SBNO2: variants seen among roughly 807,000 people sequenced by gnomAD.
SBNO2 encodes protein strawberry notch homolog 2.
In SBNO2, 89 loss-of-function variants were observed where a neutral mutation model predicts 146.3. The ratio of observed to expected loss-of-function variants is 0.61; its 90% CI spans 0.51 to 0.73. The LOEUF is 0.73. Among genes scored for constraint, SBNO2 ranks in the 30% least tolerant of loss-of-function variants. The probability of loss-of-function intolerance (pLI) is 0.00; values close to 1 mark genes in which losing one functional copy is unlikely to be tolerated. For synonymous variants in SBNO2, 1,147 were observed against 892.6 expected (o/e 1.29, Z -5.08); for missense variants, 2,092 against 2,003.7 (o/e 1.04, Z -0.84).
chr19:1,154,367 G>T lies in SBNO2; in HGVS notation c.-91C>A. On this transcript the variant is annotated 5_prime_UTR_variant, in exon 2 of 32. Transcript: ENST00000361757. ...GCCGGGGCGTCTATCTGGGCTTCTC[G>T]CTCCGTGGTGGCGGCGGTGGCGGCA... The T allele has an allele frequency of 3.2e-6, 2 of 621,442 alleles. No homozygotes were observed. The highest frequency in any genetic ancestry group is 4.6e-6 in the Non-Finnish European group (2 of 430,496). The allele number at this position is 621,442 out of a possible 1,614,324, so 38.5% of individuals were successfully genotyped here.
chr19:1,154,152 T>C, intron 2 of SBNO2, 32 bp downstream of exon 2: 1 of 1,057,680 alleles, frequency 9.5e-7, no homozygotes. Flanking sequence ...GTGGACCCCG[T>C]CGGGTGGGCC....
At chr19:1,127,430 G>C in intron 5 of SBNO2, 174 bp downstream of exon 5, 1 of 647,420 alleles carries the variant, frequency 1.5e-6, no homozygotes, top group South Asian at 1.8e-5. Context: ...CAGGACACAA[G>C]AGGACCCTCA....
At chr19:1,134,833 G>A (rs531208101) in intron 4 of SBNO2, among the ~76,000 whole-genome samples, 12 of 152,126 alleles carry the variant, frequency 7.9e-5, no homozygotes, top group East Asian at 5.8e-4. Context: ...GGATCACGAG[G>A]TCAGGAGTTC....
chr19:1,157,372 C>G lies in SBNO2; in HGVS notation c.-126-2970G>C, dbSNP rs1225325124. The stretch of plus-strand genomic sequence containing the variant: ...CTCTCCCCACGCGGCCCCGGAGACC[C>G]TCTGCCACGCAGCCCCGGAGACGCT... On this transcript the variant is annotated intron_variant, in intron 1 of 31. Transcript: ENST00000361757. This position sits in a 1 kb window ranked among gnomAD's most constrained non-coding sequence, Gnocchi z 6.8. Among the ~76,000 whole-genome samples the G allele has an allele frequency of 2.1e-5, 3 of 142,884 alleles. No individual in the cohort carries two copies. Among genetic ancestry groups the G allele is most frequent in the African/African-American group, 7.5e-5 (3 of 39,782 alleles). The allele number at this position is 142,884 out of a possible 152,430, so 93.7% of individuals were successfully genotyped here.
chr19:1,118,883 A>ATC, intron 14 of SBNO2, 128 bp downstream of exon 14: 1 of 963,690 alleles, frequency 1.0e-6, no homozygotes, highest in Non-Finnish European at 1.5e-6. Flanking sequence ...AAAACAACAA[A>ATC]AAAAAAACCC....
At chr19:1,164,574 GGT>G (rs1491420112) in intron 1 of SBNO2, among the ~76,000 whole-genome samples, 7 of 133,506 alleles carry the variant, frequency 5.2e-5, no homozygotes, top group East Asian at 2.4e-4. Context: ...GACACTGTGG[GGT>G]GTCCCAGATG....
intron 4 of SBNO2, among the ~76,000 whole-genome samples, chr19:1,138,187 CGGTGGGGGGAGGCTCGGGCTGGGGTGT>C (rs1297131222): frequency 7.8e-5 from 1 of 12,822 alleles, no homozygotes; most frequent in Admixed American, 9.3e-4. Context: ...GGCTGGGGTG[CGGTGGGGGGAGGCTCGGGCTGGGGTGT>C]GGTGGGGAGG....
Position 1,157,787 on chromosome 19 carries a change from G to A in SBNO2, c.-126-3385C>T, listed in dbSNP as rs1460666483. Among the ~76,000 whole-genome samples the A allele has an allele frequency of 2.7e-5, 4 of 150,894 alleles. No homozygotes were observed. Among genetic ancestry groups the A allele is most frequent in the Non-Finnish European group, 4.4e-5 (3 of 67,994 alleles). The stretch of plus-strand genomic sequence containing the variant: ...AAGATCCGGGAGAATCCGAGGAACC[G>A]GGTAACTGTGTCCGCCTCCCAGCTC... On this transcript the variant is annotated intron_variant, in intron 1 of 31. Coordinates refer to ENST00000361757, the MANE Select transcript of SBNO2 (RefSeq NM_014963.3). The surrounding 1 kb of genome is among the most constrained non-coding windows in gnomAD (Gnocchi z 6.8).
At chr19:1,170,566 G>A (rs1008798875) in intron 1 of SBNO2, among the ~76,000 whole-genome samples, 5 of 152,168 alleles carry the variant, frequency 3.3e-5, no homozygotes, top group East Asian at 3.9e-4. Context: ...CACAGCCCTC[G>A]GCTGTGGAAA....
Position 1,110,404 on chromosome 19 carries a change from G to A in SBNO2, c.3028+341C>T, listed in dbSNP as rs953468191. ...CAGCCTGGGCACCTTCCAGAGACGT[G>A]CACGGTGATCCCACGAGCCCTGTGC... On this transcript the variant is annotated intron_variant, in intron 26 of 31. Transcript: ENST00000361757. The surrounding 1 kb of genome is among the most constrained non-coding windows in gnomAD (Gnocchi z 4.9). Among the ~76,000 whole-genome samples, 2 of 152,152 alleles carry A rather than the reference G, an allele frequency of 1.3e-5. No homozygotes were observed. Among genetic ancestry groups the A allele is most frequent in the Non-Finnish European group, 2.9e-5 (2 of 68,014 alleles).
At chr19:1,135,788 G>A (rs1254005144) in intron 4 of SBNO2, among the ~76,000 whole-genome samples, 1 of 151,978 alleles carries the variant, frequency 6.6e-6, no homozygotes, top group Non-Finnish European at 1.5e-5. Context: ...CCTGGAGGGG[G>A]CTGGGGGGCA....
intron 1 of SBNO2, among the ~76,000 whole-genome samples, chr19:1,166,995 C>A (rs1197210029): frequency 6.6e-6 from 1 of 152,240 alleles, no homozygotes; most frequent in East Asian, 1.9e-4. Context: ...GAGCTTAAGT[C>A]CAGCCTTGGT....
In SBNO2 at chr19:1,109,169, C is replaced by T. The variant is rs1272201228; in HGVS notation, c.3391G>A (p.Ala1131Thr). The T allele has an allele frequency of 1.9e-6, 3 of 1,558,874 alleles. No individual in the cohort carries two copies. The South Asian group carries it at 3.5e-5, about 18-fold the overall frequency. Residue 1131 changes from alanine (A) to threonine (T), a missense_variant, in exon 30 of 32, where the codon GCT (alanine) becomes ACT (threonine). By Grantham distance (58) the Ala-to-Thr change is moderately conservative. Coordinates refer to ENST00000361757, the MANE Select transcript of SBNO2 (RefSeq NM_014963.3). This position sits in a 1 kb window ranked among gnomAD's most constrained non-coding sequence, Gnocchi z 4.2. Reference sequence around the variant, plus strand: ...TGGCTGCAGTGCGTCAGCGACAAAGCGTAGCCACTCTCCCAGGGCTCCTTG... The same window carrying T: ...TGGCTGCAGTGCGTCAGCGACAAAGTGTAGCCACTCTCCCAGGGCTCCTTG... ...EAKEPWESGYALSLTHCSHSA... is the reference protein window; with the variant it reads ...EAKEPWESGYTLSLTHCSHSA...
At chr19:1,117,857 C>A (rs1215709921) in intron 14 of SBNO2, among the ~76,000 whole-genome samples, 2 of 152,236 alleles carry the variant, frequency 1.3e-5, no homozygotes, top group Non-Finnish European at 2.9e-5. Context: ...CTGGGCATGT[C>A]TGGGGCTGGC....
At chr19:1,131,750 G>A (rs895366480) in intron 4 of SBNO2, among the ~76,000 whole-genome samples, 1 of 152,202 alleles carries the variant, frequency 6.6e-6, no homozygotes, top group Non-Finnish European at 1.5e-5. Context: ...GGAGGGGGAC[G>A]CAGCCCTCCC....
chr19:1,170,180 G>A (rs1210134985), intron 1 of SBNO2, among the ~76,000 whole-genome samples: 2 of 152,214 alleles, frequency 1.3e-5, no homozygotes, highest in African/African-American at 2.4e-5. Context: ...AGGAGGCCCA[G>A]GGCGAGAGCT....
chr19:1,115,939 G>A (rs1599830581), intron 17 of SBNO2, 82 bp downstream of exon 17: 1 of 1,049,970 alleles, frequency 9.5e-7, no homozygotes, highest in Non-Finnish European at 1.4e-6. Context: ...GGGAGTGGGG[G>A]AAGCAGGGAG....
intron 1 of SBNO2, among the ~76,000 whole-genome samples, chr19:1,156,726 G>A (rs936072228): frequency 2.0e-5 from 3 of 152,168 alleles, no homozygotes; most frequent in African/African-American, 4.8e-5. Flanking sequence ...AGGACGTCAC[G>A]CTCTGTGAGA....
chr19:1,128,313 A>G (rs10412207), intron 4 of SBNO2: 116,640 of 379,354 alleles, frequency 0.31, 18,741 homozygotes, highest in East Asian at 0.38. Context: ...GGGCGGGGGC[A>G]GCCACGCCCA....
Sources: allele counts gnomAD v4.1 joint callset (sites outside exome capture counted in the v4.1 genomes callset), GRCh38; gene constraint gnomAD v4.1.1; non-coding constraint Gnocchi (gnomAD v3.1); transcripts MANE v1.5; gene names NCBI Gene and HGNC (gene_info 2026-07-23, HGNC 2026-07-21).